The following UGT8 variants were observed in gnomAD, a reference collection of about 807,000 sequenced individuals.
The protein encoded by UGT8 is UDP glycosyltransferase 8.
A neutral mutation model predicts 40.5 loss-of-function variants in UGT8; 12 were observed. The ratio of observed to expected loss-of-function variants is 0.30; its 90% CI spans 0.19 to 0.48. The LOEUF (loss-of-function observed/expected upper bound fraction) is 0.48. Among genes scored for constraint, UGT8 ranks in the 20% least tolerant of loss-of-function variants. The pLI, the probability that UGT8 is intolerant of heterozygous loss-of-function variation, is 0.99. For missense variants in UGT8, 513 were observed against 648.7 expected (o/e 0.79, Z 2.27); for synonymous variants, 224 against 240.4 (o/e 0.93, Z 0.63).
intron 3 of UGT8, chr4:114,665,403 T>C (rs1201279532): frequency 1.0e-6 from 1 of 985,256 alleles, no homozygotes; most frequent in Non-Finnish European, 1.2e-6. Context: ...TGTTTGTTTG[T>C]TTTTCCCATC....
intron 2 of UGT8, among the ~76,000 whole-genome samples, chr4:114,625,370 G>A (rs983395064): frequency 6.6e-5 from 10 of 151,864 alleles, no homozygotes; most frequent in Non-Finnish European, 1.5e-4. Context: ...AATTAGCTGG[G>A]TATGGTGATG....
At chr4:114,607,775 A>G (rs1028288731) in intron 1 of UGT8, among the ~76,000 whole-genome samples, 4 of 151,886 alleles carry the variant, frequency 2.6e-5, no homozygotes, top group African/African-American at 4.8e-5. Context: ...ATTGATCACT[A>G]TGTCCTTCAT....
intron 2 of UGT8, among the ~76,000 whole-genome samples, chr4:114,655,900 C>T (rs562982966): frequency 4.5e-4 from 69 of 152,186 alleles, no homozygotes; most frequent in Non-Finnish European, 7.2e-4. Flanking sequence ...TGAACACTTA[C>T]TCAGTGTTTC....
chr4:114,610,031 G>A (rs557330262), intron 1 of UGT8, among the ~76,000 whole-genome samples: 1 of 152,246 alleles, frequency 6.6e-6, no homozygotes, highest in African/African-American at 2.4e-5. Flanking sequence ...GTTTAATAAA[G>A]TCATGACCAA....
rs150058969 is a variant in UGT8 at position 114,670,801 on chromosome 4, C to G, written c.1262+2497C>G. Among the ~76,000 whole-genome samples, 1,100 of 152,186 alleles carry G rather than the reference C, an allele frequency of 7.2e-3. 16 individuals carry two copies. Among genetic ancestry groups the G allele is most frequent in the African/African-American group, 0.025 (1,020 of 41,522 alleles). Reference sequence around the variant, plus strand: ...ACCACTCCTATTCAACATAGTATTGCAAGTTCTGGCCAGGGCAGTCAGGCA... The same window carrying G: ...ACCACTCCTATTCAACATAGTATTGGAAGTTCTGGCCAGGGCAGTCAGGCA... On this transcript the variant is annotated intron_variant, in intron 5 of 5. Coordinates refer to ENST00000310836, the MANE Select transcript of UGT8 (RefSeq NM_001128174.3).
At chr4:114,599,675 G>A (rs530519537) in intron 1 of UGT8, among the ~76,000 whole-genome samples, 50 of 152,298 alleles carry the variant, frequency 3.3e-4, no homozygotes, top group African/African-American at 1.1e-3. Context: ...AAGCCTGTGC[G>A]GGCCCCCGGG....
rs544792789 is a variant in UGT8, at chr4:114,662,704, C to A, written c.823-1291C>A. The stretch of plus-strand genomic sequence containing the variant: ...CAATAGAGAAAGTTAATACAGATCT[C>A]TTTAGGTGATAAAATGAATAGAAAA... On this transcript the variant is annotated intron_variant, in intron 2 of 5. Coordinates refer to ENST00000310836, the MANE Select transcript of UGT8 (RefSeq NM_001128174.3). Among the ~76,000 whole-genome samples the A allele has an allele frequency of 4.7e-5, 7 of 150,356 alleles. No individual in the cohort carries two copies. The South Asian group carries it at 1.5e-3, about 31-fold the overall frequency.
chr4:114,668,401 A>T, intron 5 of UGT8, 97 bp downstream of exon 5: 3 of 1,002,122 alleles, frequency 3.0e-6, no homozygotes, highest in Non-Finnish European at 4.5e-6. Context: ...AAATTATCAA[A>T]TTATGGAAAT....
chr4:114,652,002 A>C (rs558893615), intron 2 of UGT8, among the ~76,000 whole-genome samples: 38 of 152,138 alleles, frequency 2.5e-4, no homozygotes, highest in Admixed American at 1.4e-3. Context: ...TCTGCAAAAA[A>C]AAAATGACAT....
rs1355017505 is a variant in UGT8, at chr4:114,675,862, T to A, written c.1263-63T>A. The stretch of plus-strand genomic sequence containing the variant: ...ATTATTTCCCCTTTTTAAATGAAGA[T>A]ATGCATAAATATAGAACTTTATTAT... On this transcript the variant is annotated intron_variant, in intron 5 of 5. Coordinates refer to ENST00000310836, the MANE Select transcript of UGT8 (RefSeq NM_001128174.3). The A allele has an allele frequency of 3.3e-6, 5 of 1,514,188 alleles. No individual in the cohort carries two copies. The East Asian group carries it at 6.8e-5, about 21-fold the overall frequency. 93.8% of individuals were successfully genotyped at this position (1,514,188 alleles called of 1,614,324 possible). A position where few individuals can be genotyped will look rare whatever the true frequency, so the allele number is the denominator to read the frequency against.
chr4:114,628,715 A>G (rs1481957172), intron 2 of UGT8, among the ~76,000 whole-genome samples: 1 of 123,520 alleles, frequency 8.1e-6, no homozygotes, highest in Admixed American at 9.5e-5. Flanking sequence ...TTGTGGAGAC[A>G]TTTTTATTTA....
At chr4:114,647,949 T>C (rs1294801355) in intron 2 of UGT8, among the ~76,000 whole-genome samples, 6 of 152,212 alleles carry the variant, frequency 3.9e-5, no homozygotes, top group Non-Finnish European at 8.8e-5. Flanking sequence ...GATATTCCAA[T>C]TCATGGACAA....
chr4:114,623,490 A>T lies in UGT8; in HGVS notation c.610A>T (p.Arg204Ter), dbSNP rs1485377064. The change falls in exon 2 of 6, where the codon AGA becomes TGA. Residue 204 changes from arginine to a stop codon, truncating the protein, a stop_gained. Transcript: ENST00000310836. LOFTEE classifies it high-confidence loss of function. Reference sequence around the variant, plus strand: ...AAATACCGGTGTTTACCTCATTTCCAGATTAGGGGTCAGCTTTCTGGTTCT... The same window carrying T: ...AAATACCGGTGTTTACCTCATTTCCTGATTAGGGGTCAGCTTTCTGGTTCT... Reference protein sequence around the residue: ...MKNTGVYLISRLGVSFLVLPK... With the variant: ...MKNTGVYLIS 2 of 1,614,160 alleles carry T rather than the reference A, an allele frequency of 1.2e-6. No individual in the cohort carries two copies. Among genetic ancestry groups the T allele is most frequent in the African/African-American group, 1.3e-5 (1 of 75,038 alleles).
At chr4:114,664,350 A>G (rs955465492) in intron 3 of UGT8, among the ~76,000 whole-genome samples, 1 of 152,222 alleles carries the variant, frequency 6.6e-6, no homozygotes, top group Non-Finnish European at 1.5e-5. Flanking sequence ...TATAGCACAG[A>G]AAGAAGATAT....
At chr4:114,674,835 T>A (rs1735520368) in intron 5 of UGT8, among the ~76,000 whole-genome samples, 1 of 152,260 alleles carries the variant, frequency 6.6e-6, no homozygotes, top group Non-Finnish European at 1.5e-5. Context: ...GGAAATTATT[T>A]CTTATGTCTA....
chr4:114,664,254 C>A, intron 3 of UGT8, 117 bp downstream of exon 3: 1 of 1,140,924 alleles, frequency 8.8e-7, no homozygotes, highest in Non-Finnish European at 1.2e-6. Flanking sequence ...GCAAGATGCC[C>A]TTGACTTTCA....
intron 2 of UGT8, among the ~76,000 whole-genome samples, chr4:114,635,196 CA>C: frequency 6.6e-6 from 1 of 152,110 alleles, no homozygotes; most frequent in East Asian, 1.9e-4. Context: ...ACTCACAATA[CA>C]AAAATTAGCT....
intron 1 of UGT8, among the ~76,000 whole-genome samples, chr4:114,602,267 C>T (rs1024089055): frequency 6.6e-6 from 1 of 152,106 alleles, no homozygotes; most frequent in African/African-American, 2.4e-5. Flanking sequence ...GAATATTTTA[C>T]ATATTACTTT....
chr4:114,640,644 A>G (rs1018468934), intron 2 of UGT8, among the ~76,000 whole-genome samples: 3 of 152,148 alleles, frequency 2.0e-5, no homozygotes, highest in Non-Finnish European at 2.9e-5. Context: ...GAGAGCCCAC[A>G]GTTCCATTTG....
Sources: allele counts gnomAD v4.1 joint callset (sites outside exome capture counted in the v4.1 genomes callset), GRCh38; gene constraint gnomAD v4.1.1; transcripts MANE v1.5; gene names NCBI Gene and HGNC (gene_info 2026-07-23, HGNC 2026-07-21).